The following CD99L2 variants were observed in gnomAD, a reference collection of about 807,000 sequenced individuals.
CD99L2 encodes CD99 antigen-like protein 2.
Under a neutral mutation model 27.3 loss-of-function variants are expected in CD99L2, and 24 were observed. That is an observed-to-expected ratio of 0.88 (90% CI 0.64 to 1.24). CD99L2 has a LOEUF of 1.24. CD99L2 is among the 50% of genes most tolerant of loss of function. The probability of loss-of-function intolerance (pLI) is 0.00; values close to 1 mark genes in which losing one functional copy is unlikely to be tolerated. For missense variants in CD99L2, 255 were observed against 221.6 expected, an observed-to-expected ratio of 1.15 and a Z score of -0.96; for synonymous variants, 97 against 87.9, an observed-to-expected ratio of 1.10 and a Z score of -0.58.
At chrX:150,829,927 C>T (rs889164770) in intron 2 of CD99L2, among the ~76,000 whole-genome samples, 4 of 110,747 alleles carry the variant, frequency 3.6e-5, no homozygotes, top group Admixed American at 1.9e-4. Flanking sequence ...GAGGCTGAGG[C>T]GGGCGGATTG....
At chrX:150,790,967 C>T (rs781783352) in intron 7 of CD99L2, among the ~76,000 whole-genome samples, 5 of 110,884 alleles carry the variant, frequency 4.5e-5, no homozygotes, top group Non-Finnish European at 9.4e-5. Context: ...TAATGAAGGT[C>T]GACCCCTCAT....
At chrX:150,831,001 G>A (rs2046435821) in intron 2 of CD99L2, among the ~76,000 whole-genome samples, 1 of 110,227 alleles carries the variant, frequency 9.1e-6, no homozygotes. Context: ...TAGAGACAGG[G>A]TTTCACCATG....
At chrX:150,776,073 G>T in intron 9 of CD99L2, 101 bp downstream of exon 9, 1 of 1,052,749 alleles carries the variant, frequency 9.5e-7, no homozygotes, top group Non-Finnish European at 1.3e-6. Context: ...TTGGGAGTGG[G>T]TCTCAGGCAG....
chrX:150,793,545 C>T (rs2045731447), intron 7 of CD99L2, 146 bp downstream of exon 7: 1 of 448,748 alleles, frequency 2.2e-6, no homozygotes, highest in Non-Finnish European at 3.7e-6. Flanking sequence ...CTGCATGGCT[C>T]ACATCATTCC....
At chrX:150,872,493 A>T (rs2047172282) in intron 1 of CD99L2, among the ~76,000 whole-genome samples, 1 of 106,507 alleles carries the variant, frequency 9.4e-6, no homozygotes, top group Non-Finnish European at 1.9e-5. Context: ...ACTACTGAAG[A>T]TCTTAATATC....
rs1328504867 is a variant in CD99L2 at position 150,842,260 on chromosome X, T to C, written c.68-10967A>G. On this transcript the variant is annotated intron_variant, in intron 1 of 10. Transcript: ENST00000370377. ...AAGATTAATTTCATAAGAAAAGTGCTGTTTCCACCCACAGACACTCCAACA... is the reference window on the plus strand; with the variant it reads ...AAGATTAATTTCATAAGAAAAGTGCCGTTTCCACCCACAGACACTCCAACA... Among the ~76,000 whole-genome samples, 5 of 112,370 alleles carry C rather than the reference T, an allele frequency of 4.4e-5. No homozygotes were observed. The East Asian group carries it at 1.4e-3, about 31-fold the overall frequency.
chrX:150,824,813 G>A (rs2046345772), intron 2 of CD99L2, among the ~76,000 whole-genome samples: 1 of 112,188 alleles, frequency 8.9e-6, no homozygotes. Flanking sequence ...ACCATAGCAA[G>A]GGGGTTGTTG....
intron 7 of CD99L2, among the ~76,000 whole-genome samples, chrX:150,778,926 CTG>C (rs1167618742): frequency 1.3e-3 from 142 of 110,875 alleles, no homozygotes; most frequent in African/African-American, 4.6e-3. Flanking sequence ...ATGGGGGTCA[CTG>C]TGTGCAGCCA....
At chrX:150,824,497 A>G (rs868961374) in intron 2 of CD99L2, among the ~76,000 whole-genome samples, 8 of 90,319 alleles carry the variant, frequency 8.9e-5, no homozygotes, top group South Asian at 5.8e-4. Context: ...GAAGAAGAAG[A>G]AAGAAGAAGA....
At chrX:150,823,737 G>A (rs1279062288) in intron 2 of CD99L2, among the ~76,000 whole-genome samples, 1 of 111,494 alleles carries the variant, frequency 9.0e-6, no homozygotes, top group Non-Finnish European at 1.9e-5. Context: ...GACATCAAAT[G>A]CCAAGTGGGG....
At chrX:150,885,260 T>C (rs975488450) in intron 1 of CD99L2, among the ~76,000 whole-genome samples, 20 of 111,259 alleles carry the variant, frequency 1.8e-4, no homozygotes, top group African/African-American at 6.2e-4. Flanking sequence ...TTTCATTTTA[T>C]ACATTTTTGT....
chrX:150,864,669 G>T (rs2047032490), intron 1 of CD99L2, among the ~76,000 whole-genome samples: 1 of 112,506 alleles, frequency 8.9e-6, no homozygotes, highest in Admixed American at 9.4e-5. Context: ...AACACGAAGA[G>T]ATCTTGAAAA....
In CD99L2 at chrX:150,889,954, C is replaced by T. The variant is rs1238603857; in HGVS notation, c.67+8568G>A. On this transcript the variant is annotated intron_variant, in intron 1 of 10. Transcript: ENST00000370377. The stretch of plus-strand genomic sequence containing the variant: ...GATCACAAGGTCAGGAGATCGAGAC[C>T]ATCCTGGCTAACACGGTGAAACCCC... Among the ~76,000 whole-genome samples the T allele has an allele frequency of 7.4e-5, 8 of 107,577 alleles. No individual in the cohort carries two copies. The South Asian group carries it at 1.2e-3, about 16-fold the overall frequency. The allele number at this position is 107,577 out of a possible 115,157, so 93.4% of individuals were successfully genotyped here.
At chrX:150,847,785 C>T (rs1204417925) in intron 1 of CD99L2, among the ~76,000 whole-genome samples, 8 of 110,939 alleles carry the variant, frequency 7.2e-5, no homozygotes, top group Middle Eastern at 4.3e-3. Context: ...TACACTGTCC[C>T]GACATCTTCT....
chrX:150,857,285 T>C (rs1377832222), intron 1 of CD99L2, among the ~76,000 whole-genome samples: 2 of 110,787 alleles, frequency 1.8e-5, no homozygotes, highest in Non-Finnish European at 3.8e-5. Context: ...ACAAATATGA[T>C]GCAAAAAGGT....
At chrX:150,867,226 G>A (rs781835800) in intron 1 of CD99L2, among the ~76,000 whole-genome samples, 21 of 110,737 alleles carry the variant, frequency 1.9e-4, no homozygotes, top group Non-Finnish European at 4.0e-4. Context: ...CTTGGGCTAC[G>A]TGGCAAAACC....
chrX:150,818,970 T>C, intron 2 of CD99L2: 1 of 332,448 alleles, frequency 3.0e-6, no homozygotes, highest in South Asian at 3.0e-5. Context: ...ATAATAGTAA[T>C]GGTGGCAAAT....
chrX:150,769,704 C>T (rs1320316625), intron 10 of CD99L2, among the ~76,000 whole-genome samples: 6 of 78,767 alleles, frequency 7.6e-5, no homozygotes, highest in African/African-American at 1.6e-4. Flanking sequence ...GGCTGCTCCC[C>T]GACCCCAGCA....
intron 9 of CD99L2, among the ~76,000 whole-genome samples, chrX:150,772,399 G>GGAGCTAGGTCAGGAC (rs1485581118): frequency 8.9e-6 from 1 of 112,814 alleles, no homozygotes; most frequent in Admixed American, 9.3e-5. Context: ...CAGGGCGAGA[G>GGAGCTAGGTCAGGAC]GAGCTAGGTC....
Sources: gnomAD v4.1 joint callset for allele counts (sites outside exome capture counted in the v4.1 genomes callset) on GRCh38, gnomAD v4.1.1 for gene constraint, MANE v1.5 for transcripts, NCBI Gene and HGNC (gene_info 2026-07-23, HGNC 2026-07-21) for gene names.